Variants in AGBL1 observed in about 807,000 individuals in gnomAD.
AGBL1 encodes the protein AGBL carboxypeptidase 1.
Under a neutral mutation model 118.9 loss-of-function variants are expected in AGBL1, and 130 were observed. The ratio of observed to expected loss-of-function variants is 1.09; its 90% CI spans 0.95 to 1.26. The LOEUF is 1.26. Ranked by LOEUF, AGBL1 falls within the 50% of genes most tolerant of loss-of-function variation. The pLI, the probability that AGBL1 is intolerant of heterozygous loss-of-function variation, is 0.00. For synonymous variants in AGBL1, 555 were observed against 478.9 expected (o/e 1.16, Z -2.08); for missense variants, 1,584 against 1,298.1 (o/e 1.22, Z -3.38).
rs1297668923 is a variant in AGBL1 at position 86,410,836 on chromosome 15, AT to A, written c.2555+13291del. ...TATATATATATATATATATATATAT[AT>A]ATATAATATACTATTTTATATATAA... On this transcript the variant is annotated intron_variant, in intron 18 of 22. Transcript: ENST00000614907. Among the ~76,000 whole-genome samples, 530 of 107,518 alleles carry A rather than the reference AT, an allele frequency of 4.9e-3. 19 individuals carry two copies. The highest frequency in any genetic ancestry group is 0.016 in the African/African-American group (397 of 24,584). The allele number at this position is 107,518 out of a possible 152,430, so 70.5% of individuals were successfully genotyped here.
At chr15:86,433,241 TCTC>T (rs921701396) in intron 18 of AGBL1, among the ~76,000 whole-genome samples, 48 of 142,234 alleles carry the variant, frequency 3.4e-4, no homozygotes, top group Non-Finnish European at 4.8e-4. Flanking sequence ...TCCTCCTCCT[TCTC>T]CTCCTCCTCC....
At chr15:86,779,707 T>A (rs546788639) in intron 22 of AGBL1, among the ~76,000 whole-genome samples, 3 of 152,334 alleles carry the variant, frequency 2.0e-5, no homozygotes, top group African/African-American at 7.2e-5. Context: ...TTTTCACTGA[T>A]TTTTTGTAAT....
intron 23 of AGBL1, among the ~76,000 whole-genome samples, chr15:86,964,972 T>C (rs1266854778): frequency 2.6e-5 from 4 of 152,168 alleles, no homozygotes; most frequent in South Asian, 4.1e-4. Context: ...CATCCTTTTT[T>C]ACAGCTGCAT....
intron 22 of AGBL1, among the ~76,000 whole-genome samples, chr15:86,686,448 T>C (rs2086058596): frequency 6.7e-6 from 1 of 150,154 alleles, no homozygotes; most frequent in Non-Finnish European, 1.5e-5. Context: ...CTAAGTTTTT[T>C]TTTTTTTTTT....
chr15:86,264,383 G>T lies in AGBL1; in HGVS notation c.1212G>T (p.Gly404=), dbSNP rs775822913. 5.6e-6 allele frequency: 9 copies of T among 1,613,696 alleles called. No individual in the cohort carries two copies. Among genetic ancestry groups the T allele is most frequent in the African/African-American group, 1.3e-5 (1 of 74,924 alleles). The change falls in exon 11 of 23, where the codon GGG becomes GGT. Residue 404 remains glycine (G), a synonymous_variant. Coordinates refer to ENST00000614907, the MANE Select transcript of AGBL1 (RefSeq NM_001386094.1). ...ACAGCAAGGACCAAAGCTCCTGTGG[G>T]CAAGAAAGAGAATATGCTGTCCAGA... ...HCYSKDQSSC[G]QEREYAVQTS...
At chr15:86,137,184 T>C (rs1005864609) in intron 1 of AGBL1, among the ~76,000 whole-genome samples, 1 of 152,244 alleles carries the variant, frequency 6.6e-6, no homozygotes, top group Non-Finnish European at 1.5e-5. Context: ...CCATAATGTT[T>C]ACTTAAAGTA....
chr15:86,875,863 T>C (rs1049234267), intron 22 of AGBL1, among the ~76,000 whole-genome samples: 4 of 152,190 alleles, frequency 2.6e-5, no homozygotes, highest in African/African-American at 9.7e-5. Context: ...AAGGCTGAGA[T>C]ACCACCTCAC....
chr15:86,169,613 T>C (rs1161488834), intron 5 of AGBL1, among the ~76,000 whole-genome samples: 1 of 152,226 alleles, frequency 6.6e-6, no homozygotes, highest in Non-Finnish European at 1.5e-5. Flanking sequence ...TACTTTTAAA[T>C]CTTTAAATTA....
chr15:86,222,716 C>T (rs550021001), intron 5 of AGBL1, among the ~76,000 whole-genome samples: 3 of 152,256 alleles, frequency 2.0e-5, no homozygotes, highest in Admixed American at 2.0e-4. Context: ...GAATAAGCCT[C>T]AATTTTTTTG....
chr15:86,289,626 T>A (rs2079512629), intron 16 of AGBL1, among the ~76,000 whole-genome samples: 1 of 152,058 alleles, frequency 6.6e-6, no homozygotes, highest in African/African-American at 2.4e-5. Context: ...AACCCAGATT[T>A]CCTCCATTCC....
In AGBL1 at chr15:86,300,058, C is replaced by G. The variant is rs569544504; in HGVS notation, c.2374+4650C>G. Among the ~76,000 whole-genome samples, 3 of 152,178 alleles carry G rather than the reference C, an allele frequency of 2.0e-5. No individual in the cohort carries two copies. In the South Asian group the frequency reaches 6.2e-4, roughly 32 times the overall value. On this transcript the variant is annotated intron_variant, in intron 17 of 22. Coordinates refer to ENST00000614907, the MANE Select transcript of AGBL1 (RefSeq NM_001386094.1). ...TGGAAATTCCTCTTAGTAATGAGCT[C>G]TTGGCCTTCCTATACTTGTTGTCTT...
Position 86,533,203 on chromosome 15 carries a change from AC to A in AGBL1, c.2685+10266del, listed in dbSNP as rs1005533007. On this transcript the variant is annotated intron_variant, in intron 19 of 22. Transcript: ENST00000614907. ...TACAACATGGGAGAAAATTTTCACAACCTACTCATCTGACAAAGGGCTAATA... is the reference window on the plus strand; with the variant it reads ...TACAACATGGGAGAAAATTTTCACAACTACTCATCTGACAAAGGGCTAATA... Among the ~76,000 whole-genome samples the A allele has an allele frequency of 4.1e-5, 3 of 74,020 alleles. 1 individual carries two copies. The highest frequency in any genetic ancestry group is 7.0e-5 in the Non-Finnish European group (3 of 43,016). 48.6% of individuals were successfully genotyped at this position (74,020 alleles called of 152,430 possible).
rs141111278 is a variant in AGBL1, at chr15:86,408,824, T to C, written c.2555+11278T>C. Among the ~76,000 whole-genome samples the C allele has an allele frequency of 9.6e-3, 1,455 of 152,194 alleles. 29 individuals carry two copies. The highest frequency in any genetic ancestry group is 0.033 in the African/African-American group (1,369 of 41,510). ...TCCTTATATTTAAAAATGGGGAAAA[T>C]TGTTATTCTGATTCAGAAGGGGTCT... On this transcript the variant is annotated intron_variant, in intron 18 of 22. Coordinates refer to ENST00000614907, the MANE Select transcript of AGBL1 (RefSeq NM_001386094.1).
intron 1 of AGBL1, among the ~76,000 whole-genome samples, chr15:86,130,575 G>A (rs2076806741): frequency 6.6e-6 from 1 of 152,130 alleles, no homozygotes. Context: ...TCTCTATCAT[G>A]TAATTTTTTG....
At chr15:86,895,105 CT>C (rs981050522) in intron 22 of AGBL1, among the ~76,000 whole-genome samples, 1 of 151,712 alleles carries the variant, frequency 6.6e-6, no homozygotes, top group East Asian at 1.9e-4. Context: ...CCTTCCCTTT[CT>C]TTTTTCCTTC....
chr15:86,141,329 A>G (rs1480893226), intron 1 of AGBL1, among the ~76,000 whole-genome samples: 1 of 152,170 alleles, frequency 6.6e-6, no homozygotes, highest in Admixed American at 6.5e-5. Flanking sequence ...AGAACATTTT[A>G]GTGGATTTCT....
intron 19 of AGBL1, among the ~76,000 whole-genome samples, chr15:86,531,936 A>G (rs1350793703): frequency 6.6e-6 from 1 of 151,304 alleles, no homozygotes; most frequent in Admixed American, 6.6e-5. Context: ...ACTCTCAATA[A>G]ATTATGTATT....
At chr15:86,946,887 AT>A (rs2035688965) in intron 23 of AGBL1, among the ~76,000 whole-genome samples, 1 of 151,652 alleles carries the variant, frequency 6.6e-6, no homozygotes, top group African/African-American at 2.4e-5. Context: ...AGAAAAAGAA[AT>A]ACTACAGGGA....
intron 22 of AGBL1, among the ~76,000 whole-genome samples, chr15:86,795,043 C>T (rs911289559): frequency 6.6e-6 from 1 of 152,194 alleles, no homozygotes; most frequent in African/African-American, 2.4e-5. Context: ...ATCAATTAAA[C>T]AGCTTCAGGC....
Sources: gnomAD v4.1 joint callset for allele counts (sites outside exome capture counted in the v4.1 genomes callset) on GRCh38, gnomAD v4.1.1 for gene constraint, MANE v1.5 for transcripts, NCBI Gene and HGNC (gene_info 2026-07-23, HGNC 2026-07-21) for gene names.